Variants in MCC observed in about 807,000 individuals in gnomAD.
The protein encoded by MCC is colorectal mutant cancer protein.
MCC carries 90 observed loss-of-function variants against 116.2 expected under a neutral mutation model. That is an observed-to-expected ratio of 0.77 (90% CI 0.65 to 0.92). The LOEUF (loss-of-function observed/expected upper bound fraction) is 0.92, where lower values mean the gene tolerates loss of function less well. Ranked by LOEUF, MCC falls within the 40% of genes least tolerant of loss-of-function variation. The pLI, the probability that MCC is intolerant of heterozygous loss-of-function variation, is 0.00. For synonymous variants in MCC, 578 were observed against 510.5 expected, an observed-to-expected ratio of 1.13 and a Z score of -1.78; for missense variants, 1,516 against 1,312.2, an observed-to-expected ratio of 1.16 and a Z score of -2.40.
chr5:113,330,439 A>C (rs1767671529), intron 3 of MCC, among the ~76,000 whole-genome samples: 3 of 152,222 alleles, frequency 2.0e-5, no homozygotes, highest in Admixed American at 6.5e-5. Context: ...AAGATAGAAA[A>C]CCTTACTACC....
At chr5:113,388,853 G>A (rs570428907) in intron 1 of MCC, among the ~76,000 whole-genome samples, 1 of 152,306 alleles carries the variant, frequency 6.6e-6, no homozygotes, top group South Asian at 2.1e-4. Flanking sequence ...ATGAGGCACA[G>A]CCTGGAAATC....
At chr5:113,248,677 C>T (rs1401039554) in intron 3 of MCC, among the ~76,000 whole-genome samples, 1 of 152,178 alleles carries the variant, frequency 6.6e-6, no homozygotes, top group Non-Finnish European at 1.5e-5. Flanking sequence ...ACATATTCAC[C>T]AAGAAGGGTC....
At chr5:113,053,685 C>G in intron 15 of MCC, 40 bp downstream of exon 15, 4 of 1,464,790 alleles carry the variant, frequency 2.7e-6, no homozygotes, top group Non-Finnish European at 3.8e-6. Flanking sequence ...AGATTTCCTC[C>G]TGGTGGCAGC....
chr5:113,377,043 C>A (rs1035054579), intron 2 of MCC, among the ~76,000 whole-genome samples: 1 of 152,062 alleles, frequency 6.6e-6, no homozygotes, highest in Admixed American at 6.6e-5. Context: ...TGACCAGGAG[C>A]CTGAGAATAA....
At chr5:113,081,894 G>A (rs773432749) in intron 11 of MCC, among the ~76,000 whole-genome samples, 1 of 152,214 alleles carries the variant, frequency 6.6e-6, no homozygotes, top group Non-Finnish European at 1.5e-5. Flanking sequence ...TTAAGCAACA[G>A]CGGATGGGGA....
At chr5:113,153,624 T>C (rs1466092752) in intron 3 of MCC, among the ~76,000 whole-genome samples, 3 of 152,202 alleles carry the variant, frequency 2.0e-5, no homozygotes, top group Non-Finnish European at 2.9e-5. Flanking sequence ...ATGAATGCAA[T>C]GGACCCTTCT....
chr5:113,328,194 A>G (rs1443963353), intron 3 of MCC, among the ~76,000 whole-genome samples: 1 of 152,188 alleles, frequency 6.6e-6, no homozygotes, highest in African/African-American at 2.4e-5. Flanking sequence ...AGGTTTGAAG[A>G]GGGACTGGCC....
At chr5:113,487,843 G>A (rs1007390229) in intron 1 of MCC, among the ~76,000 whole-genome samples, 1 of 152,178 alleles carries the variant, frequency 6.6e-6, no homozygotes, top group African/African-American at 2.4e-5. Flanking sequence ...CCAAGCCGCC[G>A]GGCAGATCGC....
At chr5:113,427,084 C>T (rs1018151137) in intron 1 of MCC, among the ~76,000 whole-genome samples, 8 of 152,108 alleles carry the variant, frequency 5.3e-5, no homozygotes, top group Non-Finnish European at 1.0e-4. Flanking sequence ...CTGAGGGACA[C>T]ATCTTCTTCA....
At chr5:113,208,325 A>G (rs916839514) in intron 3 of MCC, among the ~76,000 whole-genome samples, 1 of 152,184 alleles carries the variant, frequency 6.6e-6, no homozygotes, top group African/African-American at 2.4e-5. Context: ...GTTGGAACCT[A>G]TCTGTTCCCC....
At chr5:113,321,302 G>A (rs1246623689) in intron 3 of MCC, among the ~76,000 whole-genome samples, 2 of 151,854 alleles carry the variant, frequency 1.3e-5, no homozygotes, top group African/African-American at 4.8e-5. Context: ...TTTTAATAAG[G>A]AAAAGCATTA....
chr5:113,044,450 T>C (rs946479735), intron 16 of MCC: 9 of 973,672 alleles, frequency 9.2e-6, no homozygotes, highest in South Asian at 4.8e-5. Flanking sequence ...CCACACTACA[T>C]AGTACCATGG....
intron 1 of MCC, among the ~76,000 whole-genome samples, chr5:113,474,467 A>G (rs989853564): frequency 1.3e-5 from 2 of 152,228 alleles, no homozygotes; most frequent in African/African-American, 4.8e-5. Flanking sequence ...AGAGGAATGC[A>G]GCAAGAGATA....
intron 3 of MCC, among the ~76,000 whole-genome samples, chr5:113,175,581 A>G (rs998406145): frequency 3.9e-5 from 6 of 152,120 alleles, no homozygotes; most frequent in African/African-American, 1.4e-4. Flanking sequence ...AATAGATATG[A>G]TGCTAGGGAT....
chr5:113,252,344 CACTA>C (rs1168875866), intron 3 of MCC, among the ~76,000 whole-genome samples: 3 of 152,188 alleles, frequency 2.0e-5, no homozygotes, highest in Admixed American at 6.5e-5. Context: ...CCCCATCACT[CACTA>C]ACTGAGCTCT....
In MCC at chr5:113,330,496, A is replaced by G. The variant is rs1400526494; in HGVS notation, c.627+10023T>C. ...CTATCTCTCCTTTGCCTTTTCTTCA[A>G]AAACGCAAAAAGTCATTAAGATGTT... On this transcript the variant is annotated intron_variant, in intron 3 of 18. Transcript: ENST00000408903. Among the ~76,000 whole-genome samples the G allele has an allele frequency of 2.6e-5, 4 of 152,378 alleles. No homozygotes were observed. The East Asian group carries it at 7.7e-4, about 29-fold the overall frequency.
intron 5 of MCC, among the ~76,000 whole-genome samples, chr5:113,140,356 A>T (rs538912307): frequency 6.6e-6 from 1 of 152,324 alleles, no homozygotes; most frequent in East Asian, 1.9e-4. Context: ...TGGAATTTGT[A>T]GTTTCCAGGT....
intron 1 of MCC, among the ~76,000 whole-genome samples, chr5:113,397,672 A>T (rs1329405559): frequency 6.6e-6 from 1 of 152,162 alleles, no homozygotes; most frequent in African/African-American, 2.4e-5. Context: ...ACTTATCACC[A>T]TATACAAAAA....
chr5:113,168,962 C>A (rs570189878), intron 3 of MCC, among the ~76,000 whole-genome samples: 2 of 152,294 alleles, frequency 1.3e-5, no homozygotes, highest in South Asian at 4.1e-4. Flanking sequence ...CAGACATAAT[C>A]GGTGGATGTA....
Sources: gnomAD v4.1 joint callset for allele counts (sites outside exome capture counted in the v4.1 genomes callset) on GRCh38, gnomAD v4.1.1 for gene constraint, MANE v1.5 for transcripts, NCBI Gene and HGNC (gene_info 2026-07-23, HGNC 2026-07-21) for gene names.